PRDM5: variants seen among roughly 807,000 people sequenced by gnomAD.
The protein encoded by PRDM5 is PR domain zinc finger protein 5.
Under a neutral mutation model 81.2 loss-of-function variants are expected in PRDM5, and 56 were observed. The observed-to-expected ratio is 0.69, with a 90% CI of 0.56 to 0.86. The LOEUF is 0.86. Among genes scored for constraint, PRDM5 ranks in the 40% least tolerant of loss-of-function variants. The probability of loss-of-function intolerance (pLI) is 0.00; values close to 1 mark genes in which losing one functional copy is unlikely to be tolerated. For synonymous variants in PRDM5, 267 were observed against 256.4 expected (o/e 1.04, Z -0.39); for missense variants, 697 against 770.1 (o/e 0.91, Z 1.12).
downstream of PRDM5, chr4:120,684,908 A>G (rs1194263179): frequency 6.6e-6 from 1 of 151,880 alleles, no homozygotes; most frequent in African/African-American, 2.4e-5. Flanking sequence ...ATCTCATAGG[A>G]TGTCATTTTA....
chr4:120,780,064 A>C (rs1190307716), intron 12 of PRDM5, among the ~76,000 whole-genome samples: 1 of 151,120 alleles, frequency 6.6e-6, no homozygotes, highest in African/African-American at 2.5e-5. Context: ...TTAAGGACAG[A>C]TAAGATAGAT....
At chr4:120,889,387 T>C (rs1376942491) in intron 2 of PRDM5, among the ~76,000 whole-genome samples, 2 of 152,204 alleles carry the variant, frequency 1.3e-5, no homozygotes, top group East Asian at 1.9e-4. Context: ...TCTATTCTCA[T>C]GACAATTCCA....
chr4:120,757,744 C>T (rs974043248), intron 13 of PRDM5, among the ~76,000 whole-genome samples: 1 of 151,558 alleles, frequency 6.6e-6, no homozygotes, highest in East Asian at 1.9e-4. Flanking sequence ...CTTTTCTTTT[C>T]TTCTCACTCA....
chr4:120,739,477 G>A (rs1396683029), intron 14 of PRDM5, among the ~76,000 whole-genome samples: 1 of 152,122 alleles, frequency 6.6e-6, no homozygotes, highest in Admixed American at 6.6e-5. Context: ...TGAGAATGCA[G>A]ATACCATTTA....
intron 4 of PRDM5, 128 bp from the exon 5 acceptor site, chr4:120,818,655 T>C: frequency 2.5e-6 from 2 of 796,652 alleles, no homozygotes; most frequent in Non-Finnish European, 4.1e-6. Flanking sequence ...ATTCTTATTA[T>C]CACTATAAAT....
At chr4:120,864,018 A>T (rs117934071) in intron 2 of PRDM5, among the ~76,000 whole-genome samples, 1 of 152,350 alleles carries the variant, frequency 6.6e-6, no homozygotes, top group East Asian at 1.9e-4. Flanking sequence ...CAGAAATTTC[A>T]ATGGCTAAGA....
chr4:120,883,277 A>G (rs933695283), intron 2 of PRDM5, among the ~76,000 whole-genome samples: 5 of 152,182 alleles, frequency 3.3e-5, no homozygotes, highest in Non-Finnish European at 7.3e-5. Context: ...GCACTTTCTT[A>G]AAGTTGATTT....
At chr4:120,800,139 A>G (rs1170668841) in intron 8 of PRDM5, among the ~76,000 whole-genome samples, 1 of 152,190 alleles carries the variant, frequency 6.6e-6, no homozygotes, top group African/African-American at 2.4e-5. Context: ...TTAAACTTAA[A>G]TGTACATAGT....
chr4:120,792,719 T>C lies in PRDM5; in HGVS notation c.1188+5548A>G, dbSNP rs142576186. On this transcript the variant is annotated intron_variant, in intron 10 of 15. Transcript: ENST00000264808. ...GGTATATAGACACAATGTAATACTA[T>C]TCAGCCTTAAAAAAGAAAGAAATCC... Among the ~76,000 whole-genome samples the C allele has an allele frequency of 3.0e-4, 46 of 152,238 alleles. No homozygotes were observed. The East Asian group carries it at 5.6e-3, about 19-fold the overall frequency.
At chr4:120,764,343 T>A (rs569803685) in intron 13 of PRDM5, among the ~76,000 whole-genome samples, 121 of 152,306 alleles carry the variant, frequency 7.9e-4, no homozygotes, top group African/African-American at 2.7e-3. Flanking sequence ...TTCATAGCAT[T>A]ATATTCCAGG....
intron 13 of PRDM5, among the ~76,000 whole-genome samples, chr4:120,757,127 T>C (rs1005935944): frequency 6.6e-6 from 1 of 152,230 alleles, no homozygotes; most frequent in Non-Finnish European, 1.5e-5. Context: ...AAGAAATACA[T>C]AGTTAAAGAC....
At chr4:120,796,224 T>C (rs931255669) in intron 10 of PRDM5, among the ~76,000 whole-genome samples, 3 of 152,218 alleles carry the variant, frequency 2.0e-5, no homozygotes, top group African/African-American at 7.2e-5. Context: ...CTTCTGTTTT[T>C]ACATGATTCT....
intron 2 of PRDM5, among the ~76,000 whole-genome samples, chr4:120,869,451 A>G (rs1761553469): frequency 6.6e-6 from 1 of 152,234 alleles, no homozygotes; most frequent in Admixed American, 6.5e-5. Flanking sequence ...ACTTTTTTAC[A>G]TTAAACATAA....
Position 120,789,683 on chromosome 4 carries a change from G to C in PRDM5, c.1189-4592C>G, listed in dbSNP as rs112069537. ...TACATAAAATACATGTCATCTGGAT[G>C]TTTACAAGGTCTGTGGATTAAATTT... On this transcript the variant is annotated intron_variant, in intron 10 of 15. Transcript: ENST00000264808. 3.6e-3 allele frequency among the ~76,000 whole-genome samples: 555 copies of C among 152,248 alleles called. 2 individuals carry two copies. Among genetic ancestry groups the C allele is most frequent in the African/African-American group, 0.012 (518 of 41,540 alleles).
intron 2 of PRDM5, among the ~76,000 whole-genome samples, chr4:120,880,412 C>T (rs1049499602): frequency 6.6e-6 from 1 of 151,978 alleles, no homozygotes. Flanking sequence ...ATAATGTAAA[C>T]CACATATGTA....
At chr4:120,689,610 T>A (rs1009837346), downstream of PRDM5, among the ~76,000 whole-genome samples, 1 of 151,860 alleles carries the variant, frequency 6.6e-6, no homozygotes, top group Non-Finnish European at 1.5e-5. Context: ...CTTTTTTTTT[T>A]TTTTCTTTTT....
chr4:120,845,624 C>CT (rs138876501), intron 3 of PRDM5, among the ~76,000 whole-genome samples: 9,414 of 152,238 alleles, frequency 0.062, 521 homozygotes, highest in African/African-American at 0.15. Flanking sequence ...CCCAAGAGCT[C>CT]TGATGGAGTG....
intron 14 of PRDM5, among the ~76,000 whole-genome samples, chr4:120,742,071 C>T (rs1457231337): frequency 6.6e-6 from 1 of 152,224 alleles, no homozygotes; most frequent in African/African-American, 2.4e-5. Context: ...CAGTACGCAG[C>T]TGGAGATCTG....
intron 14 of PRDM5, among the ~76,000 whole-genome samples, chr4:120,724,357 G>T (rs1464269477): frequency 6.6e-6 from 1 of 152,174 alleles, no homozygotes; most frequent in Non-Finnish European, 1.5e-5. Context: ...AGATCAAGTT[G>T]AGGTGCACTT....
Sources: gnomAD v4.1 joint callset for allele counts (sites outside exome capture counted in the v4.1 genomes callset) on GRCh38, gnomAD v4.1.1 for gene constraint, MANE v1.5 for transcripts, NCBI Gene and HGNC (gene_info 2026-07-23, HGNC 2026-07-21) for gene names.